FPR3: variants seen among roughly 807,000 people sequenced by gnomAD.
The protein encoded by FPR3 is formyl peptide receptor 3.
For synonymous variants in FPR3, 135 were observed against 163.6 expected, an observed-to-expected ratio of 0.83 and a Z score of 1.34; for missense variants, 346 against 443.2, an observed-to-expected ratio of 0.78 and a Z score of 1.97.
At chr19:51,819,879 C>A (rs891030297) in intron 1 of FPR3, among the ~76,000 whole-genome samples, 1 of 152,046 alleles carries the variant, frequency 6.6e-6, no homozygotes, top group Non-Finnish European at 1.5e-5. Context: ...TAGTAGAAAT[C>A]AAATCTTGAG....
At chr19:51,810,662 T>C (rs748247577) in intron 1 of FPR3, among the ~76,000 whole-genome samples, 4 of 152,188 alleles carry the variant, frequency 2.6e-5, no homozygotes, top group Admixed American at 1.3e-4. Context: ...CCATGTCAGA[T>C]ATGCACTAGT....
At chr19:51,808,512 C>G (rs1450170861) in intron 1 of FPR3, among the ~76,000 whole-genome samples, 3 of 152,176 alleles carry the variant, frequency 2.0e-5, no homozygotes, top group Non-Finnish European at 2.9e-5. Flanking sequence ...TAATGCCTGT[C>G]CTACAAAATG....
chr19:51,812,198 C>T (rs2084102016), intron 1 of FPR3, among the ~76,000 whole-genome samples: 1 of 152,098 alleles, frequency 6.6e-6, no homozygotes, highest in Non-Finnish European at 1.5e-5. Flanking sequence ...AAAATGGGAT[C>T]ACTTAGTCCC....
intron 1 of FPR3, among the ~76,000 whole-genome samples, chr19:51,806,772 G>C (rs1474817472): frequency 1.3e-5 from 2 of 152,166 alleles, no homozygotes; most frequent in Non-Finnish European, 2.9e-5. Flanking sequence ...TCACCTGTTT[G>C]GCATGTACCA....
intron 1 of FPR3, among the ~76,000 whole-genome samples, chr19:51,819,941 G>A (rs949621521): frequency 6.6e-6 from 1 of 152,164 alleles, no homozygotes; most frequent in African/African-American, 2.4e-5. Context: ...TTGGGAAGAC[G>A]AGAGACAGTG....
rs2095877103 is a variant in FPR3 at position 51,797,338 on chromosome 19, TACAG to T, written c.-11+2014_-11+2017del. On this transcript the variant is annotated intron_variant, in intron 1 of 1. Transcript: ENST00000339223. ...GGATGTTTGGCTGGAAATTCTGTCT[TACAG>T]ACAGACCTTACAGAGAGGTCATTTG... is the stretch of plus-strand genomic sequence containing the variant. 4.6e-5 allele frequency among the ~76,000 whole-genome samples: 7 copies of T among 152,274 alleles called. No individual in the cohort carries two copies. The South Asian group carries it at 1.2e-3, about 27-fold the overall frequency.
chr19:51,796,661 G>A (rs1001708092), intron 1 of FPR3, among the ~76,000 whole-genome samples: 2 of 152,170 alleles, frequency 1.3e-5, no homozygotes, highest in Admixed American at 1.3e-4. Flanking sequence ...GATGGCGTTG[G>A]GTGGTGAGGA....
intron 1 of FPR3, among the ~76,000 whole-genome samples, chr19:51,822,956 A>G (rs4802874): frequency 0.47 from 70,905 of 151,806 alleles, 16,909 homozygotes; most frequent in African/African-American, 0.57. Flanking sequence ...TCTGCCTCCC[A>G]GGTTCAAGCA....
At chr19:51,805,351 C>G (rs889218643) in intron 1 of FPR3, 1 of 152,182 alleles carries the variant, frequency 6.6e-6, no homozygotes, top group Non-Finnish European at 1.5e-5. Context: ...TTGAGGCTCT[C>G]CAGGCCTTCC....
chr19:51,803,287 T>C (rs559302915), intron 1 of FPR3, among the ~76,000 whole-genome samples: 16 of 152,288 alleles, frequency 1.1e-4, no homozygotes, highest in African/African-American at 3.1e-4. Flanking sequence ...TTCAATACAG[T>C]ACTCTCACTA....
chr19:51,824,397 A>T lies in FPR3; in HGVS notation c.649A>T (p.Ile217Phe), dbSNP rs148290634. ...IIGFSVPMSIITVCYGIIAAK... is the reference protein window; with the variant it reads ...IIGFSVPMSIFTVCYGIIAAK... ...TGGCTTCAGCGTGCCTATGTCCATCATCACAGTCTGCTATGGGATCATCGC... is the reference window on the plus strand; with the variant it reads ...TGGCTTCAGCGTGCCTATGTCCATCTTCACAGTCTGCTATGGGATCATCGC... The change falls in exon 2 of 2, where the codon ATC (isoleucine) becomes TTC (phenylalanine). Residue 217 changes from isoleucine to phenylalanine, a missense_variant. Coordinates refer to ENST00000339223, the MANE Select transcript of FPR3 (RefSeq NM_002030.5). This position sits in a 1 kb window ranked among gnomAD's most constrained non-coding sequence, Gnocchi z 4.7. The T allele has an allele frequency of 7.1e-5, 115 of 1,614,150 alleles. No individual in the cohort carries two copies. The East Asian group carries it at 2.5e-3, about 34-fold the overall frequency.
At chr19:51,810,135 T>C (rs1452028778) in intron 1 of FPR3, among the ~76,000 whole-genome samples, 1 of 152,220 alleles carries the variant, frequency 6.6e-6, no homozygotes, top group Non-Finnish European at 1.5e-5. Context: ...TTTCCCACTT[T>C]AGGGTTTGAC....
In FPR3 at chr19:51,825,052, G is replaced by A. The variant is rs192844849; in HGVS notation, c.*242G>A. ...CTACTGTCAGATCCCACAGGTTTAAGGGCTCATTCCCCAAGTCTGCTCCTC... is the reference window on the plus strand; with the variant it reads ...CTACTGTCAGATCCCACAGGTTTAAAGGCTCATTCCCCAAGTCTGCTCCTC... On this transcript the variant is annotated 3_prime_UTR_variant, in exon 2 of 2. Coordinates refer to ENST00000339223, the MANE Select transcript of FPR3 (RefSeq NM_002030.5). The A allele has an allele frequency of 8.8e-6, 4 of 452,656 alleles. No homozygotes were observed. The highest frequency in any genetic ancestry group is 1.6e-5 in the Non-Finnish European group (4 of 244,940). The allele number at this position is 452,656 out of a possible 1,614,324, so 28.0% of individuals were successfully genotyped here. A position where few individuals can be genotyped will look rare whatever the true frequency, so the allele number is the denominator to read the frequency against.
At position 51,825,512 on chromosome 19, in the gene FPR3, G is replaced by C. The variant is rs1455530650; in HGVS notation, c.*702G>C. On this transcript the variant is annotated 3_prime_UTR_variant, in exon 2 of 2. Transcript: ENST00000339223. ...AGTCCTGCTTTGGGGTAGATGAAAG[G>C]AAAGGAGAGAGATTCTGTTTCCTGA... 1 of 167,090 alleles carries C rather than the reference G, an allele frequency of 6.0e-6. No individual in the cohort carries two copies. The highest frequency in any genetic ancestry group is 1.5e-5 in the Non-Finnish European group (1 of 68,168). 10.4% of individuals were successfully genotyped at this position (167,090 alleles called of 1,614,324 possible). A position where few individuals can be genotyped will look rare whatever the true frequency, so the allele number is the denominator to read the frequency against.
chr19:51,824,946 T>C lies in FPR3; in HGVS notation c.*136T>C. 2 of 724,082 alleles carry C rather than the reference T, an allele frequency of 2.8e-6. No individual in the cohort carries two copies. Among genetic ancestry groups the C allele is most frequent in the Non-Finnish European group, 4.6e-6 (2 of 437,486 alleles). 44.9% of individuals were successfully genotyped at this position (724,082 alleles called of 1,614,324 possible). The stretch of plus-strand genomic sequence containing the variant: ...ACATAAAGGAAGTCTGTACCAAATC[T>C]GTAGGGGGTTTTTCCCACAACCAAG... On this transcript the variant is annotated 3_prime_UTR_variant, in exon 2 of 2. Coordinates refer to ENST00000339223, the MANE Select transcript of FPR3 (RefSeq NM_002030.5). The surrounding 1 kb of genome is among the most constrained non-coding windows in gnomAD (Gnocchi z 4.7).
chr19:51,803,954 A>C (rs982166923), intron 1 of FPR3: 1 of 152,218 alleles, frequency 6.6e-6, no homozygotes, highest in Non-Finnish European at 1.5e-5. Flanking sequence ...GTTATGGGAC[A>C]CTTATCACAA....
At chr19:51,800,955 A>G (rs1224046307) in intron 1 of FPR3, among the ~76,000 whole-genome samples, 3 of 152,178 alleles carry the variant, frequency 2.0e-5, no homozygotes, top group Non-Finnish European at 4.4e-5. Context: ...ATTGTCTTGT[A>G]ATGGGTCCTT....
chr19:51,796,588 G>A (rs2084000545), intron 1 of FPR3, among the ~76,000 whole-genome samples: 1 of 152,188 alleles, frequency 6.6e-6, no homozygotes. Flanking sequence ...CACCGGTCGT[G>A]GAGATGGCAA....
chr19:51,824,905 A>G lies in FPR3; in HGVS notation c.*95A>G. On this transcript the variant is annotated 3_prime_UTR_variant, in exon 2 of 2. Transcript: ENST00000339223. The surrounding 1 kb of genome is among the most constrained non-coding windows in gnomAD (Gnocchi z 4.7). The stretch of plus-strand genomic sequence containing the variant: ...GTTTTTCTTCCTCTTTCATACCACC[A>G]CCACCACAATCATCAACATAAAGGA... 1 of 936,980 alleles carries G rather than the reference A, an allele frequency of 1.1e-6. No homozygotes were observed. 58.0% of individuals were successfully genotyped at this position (936,980 alleles called of 1,614,324 possible).
Sources: allele counts gnomAD v4.1 joint callset (sites outside exome capture counted in the v4.1 genomes callset), GRCh38; gene constraint gnomAD v4.1.1; non-coding constraint Gnocchi (gnomAD v3.1); transcripts MANE v1.5; gene names NCBI Gene and HGNC (gene_info 2026-07-23, HGNC 2026-07-21).